Variants in SYT16 observed in about 807,000 individuals in gnomAD.
The protein encoded by SYT16 is synaptotagmin 16.
SYT16 carries 42 observed loss-of-function variants against 61.4 expected under a neutral mutation model. That is an observed-to-expected ratio of 0.68 (90% confidence interval 0.53 to 0.89). The LOEUF (loss-of-function observed/expected upper bound fraction) is 0.89. Ranked by LOEUF, SYT16 falls within the 40% of genes least tolerant of loss-of-function variation. The pLI is 0.00. For missense variants in SYT16, 804 were observed against 807.3 expected, an observed-to-expected ratio of 1.00 and a Z score of 0.05; for synonymous variants, 314 against 302.3, an observed-to-expected ratio of 1.04 and a Z score of -0.40.
intron 3 of SYT16, among the ~76,000 whole-genome samples, chr14:62,050,862 T>C (rs975375658): frequency 2.6e-5 from 4 of 152,154 alleles, no homozygotes; most frequent in Admixed American, 2.6e-4. Context: ...CCCAGCCATG[T>C]GAGGTGTCAG....
At chr14:61,865,907 G>A (rs1307985459) in intron 1 of SYT16, among the ~76,000 whole-genome samples, 1 of 152,148 alleles carries the variant, frequency 6.6e-6, no homozygotes, top group Non-Finnish European at 1.5e-5. Context: ...TTAAGGTGCA[G>A]TAAACTTAGT....
chr14:61,933,703 A>G (rs1398128473), intron 1 of SYT16, among the ~76,000 whole-genome samples: 1 of 152,198 alleles, frequency 6.6e-6, no homozygotes, highest in Non-Finnish European at 1.5e-5. Flanking sequence ...TGTTAGTATG[A>G]TGGCTCAGGG....
intron 1 of SYT16, among the ~76,000 whole-genome samples, chr14:61,900,278 C>T (rs542764930): frequency 4.5e-4 from 68 of 152,096 alleles, no homozygotes; most frequent in African/African-American, 1.5e-3. Flanking sequence ...CCTGCCTCAG[C>T]CTCCCGAGTA....
chr14:61,870,695 T>G (rs1452892739), intron 1 of SYT16, among the ~76,000 whole-genome samples: 14 of 152,186 alleles, frequency 9.2e-5, no homozygotes, highest in Admixed American at 5.9e-4. Flanking sequence ...TGCAATGTCT[T>G]CATGTCCCTA....
intron 1 of SYT16, among the ~76,000 whole-genome samples, chr14:61,938,490 A>G (rs2050078377): frequency 6.6e-6 from 1 of 152,116 alleles, no homozygotes; most frequent in Admixed American, 6.5e-5. Context: ...TTAAAGGTCC[A>G]GAGGCCTAGA....
At chr14:62,036,171 G>A (rs1262070669) in intron 3 of SYT16, among the ~76,000 whole-genome samples, 3 of 152,160 alleles carry the variant, frequency 2.0e-5, no homozygotes, top group African/African-American at 7.2e-5. Flanking sequence ...TCTGTGGGAG[G>A]TGGAGAATAG....
At chr14:62,052,616 C>CA (rs758398685) in intron 3 of SYT16, among the ~76,000 whole-genome samples, 20 of 152,170 alleles carry the variant, frequency 1.3e-4, no homozygotes, top group Non-Finnish European at 2.6e-4. Flanking sequence ...TTTACATCCC[C>CA]AAAAAACACT....
At chr14:62,011,757 G>A (rs1407323206) in intron 3 of SYT16, among the ~76,000 whole-genome samples, 1 of 151,618 alleles carries the variant, frequency 6.6e-6, no homozygotes, top group Non-Finnish European at 1.5e-5. Context: ...CCTGTTTCAA[G>A]GAAAAGCCTA....
chr14:61,822,321 C>G (rs1566608572), intron 1 of SYT16, among the ~76,000 whole-genome samples: 2 of 152,162 alleles, frequency 1.3e-5, no homozygotes, highest in African/African-American at 4.8e-5. Context: ...TTCCCACACT[C>G]CTTCTTTGTC....
At chr14:62,081,739 C>A (rs928209408) in intron 6 of SYT16, among the ~76,000 whole-genome samples, 13 of 152,294 alleles carry the variant, frequency 8.5e-5, no homozygotes, top group African/African-American at 2.9e-4. Context: ...TTCCCTCATA[C>A]CCCATTTCCC....
At chr14:61,851,056 T>G (rs2046601399) in intron 1 of SYT16, among the ~76,000 whole-genome samples, 1 of 152,042 alleles carries the variant, frequency 6.6e-6, no homozygotes. Flanking sequence ...ATGCTCTCCC[T>G]CCTCCCACCC....
At chr14:62,005,281 C>T (rs1314203875) in intron 3 of SYT16, among the ~76,000 whole-genome samples, 1 of 152,148 alleles carries the variant, frequency 6.6e-6, no homozygotes, top group Non-Finnish European at 1.5e-5. Context: ...GAAGAAAGAG[C>T]AAGCCTTTAT....
chr14:61,876,364 C>T (rs1168338564), intron 1 of SYT16, among the ~76,000 whole-genome samples: 1 of 152,152 alleles, frequency 6.6e-6, no homozygotes, highest in Non-Finnish European at 1.5e-5. Flanking sequence ...TAAATGAGAA[C>T]CACATTTAAT....
At chr14:62,025,552 T>C (rs897929605) in intron 3 of SYT16, among the ~76,000 whole-genome samples, 3 of 152,172 alleles carry the variant, frequency 2.0e-5, no homozygotes, top group Admixed American at 2.0e-4. Flanking sequence ...TGGCATGTCT[T>C]ATGGTTCTCT....
intron 1 of SYT16, among the ~76,000 whole-genome samples, chr14:61,832,774 A>G (rs1330748077): frequency 2.0e-5 from 3 of 152,126 alleles, no homozygotes; most frequent in African/African-American, 7.2e-5. Context: ...GCTCTGTTAT[A>G]TTATTTAACC....
At chr14:61,910,756 T>C (rs1939095727) in intron 1 of SYT16, among the ~76,000 whole-genome samples, 6 of 152,180 alleles carry the variant, frequency 3.9e-5, no homozygotes, top group Admixed American at 3.9e-4. Flanking sequence ...CTTGAACTCC[T>C]GACCGCAAGT....
At chr14:61,908,434 T>A (rs935090376) in intron 1 of SYT16, among the ~76,000 whole-genome samples, 1 of 152,194 alleles carries the variant, frequency 6.6e-6, no homozygotes, top group Non-Finnish European at 1.5e-5. Flanking sequence ...ATTTCAGGTA[T>A]TTTTTTAGGT....
intron 2 of SYT16, among the ~76,000 whole-genome samples, chr14:61,986,625 C>T (rs1050756667): frequency 4.0e-5 from 6 of 151,876 alleles, no homozygotes; most frequent in Non-Finnish European, 7.4e-5. Context: ...CAACAGGCCC[C>T]GGTGTGTGAT....
chr14:62,080,547 C>A (rs1329798308), intron 5 of SYT16, among the ~76,000 whole-genome samples: 1 of 152,112 alleles, frequency 6.6e-6, no homozygotes, highest in African/African-American at 2.4e-5. Context: ...GGCAATTGTG[C>A]TTTTTGAGAG....
Sources: allele counts gnomAD v4.1 joint callset (sites outside exome capture counted in the v4.1 genomes callset), GRCh38; gene constraint gnomAD v4.1.1; transcripts MANE v1.5; gene names NCBI Gene and HGNC (gene_info 2026-07-23, HGNC 2026-07-21).